AGBL4: variants seen among roughly 807,000 people sequenced by gnomAD.
The protein encoded by AGBL4 is AGBL carboxypeptidase 4.
AGBL4 carries 58 observed loss-of-function variants against 66.4 expected under a neutral mutation model. That is an observed-to-expected ratio of 0.87 (90% CI 0.71 to 1.09). The LOEUF (loss-of-function observed/expected upper bound fraction) is 1.09. AGBL4 is among the 50% of genes least tolerant of loss of function. The pLI is 0.00. For synonymous variants in AGBL4, 234 were observed against 222.9 expected (o/e 1.05, Z -0.44); for missense variants, 579 against 631.0 (o/e 0.92, Z 0.88).
intron 3 of AGBL4, among the ~76,000 whole-genome samples, chr1:49,403,515 T>C (rs1645131613): frequency 6.6e-6 from 1 of 152,210 alleles, no homozygotes; most frequent in African/African-American, 2.4e-5. Context: ...GGATTTCTTT[T>C]AGTTTCCTCA....
chr1:49,702,982 C>T (rs1387528169), intron 2 of AGBL4, among the ~76,000 whole-genome samples: 1 of 151,950 alleles, frequency 6.6e-6, no homozygotes, highest in Non-Finnish European at 1.5e-5. Flanking sequence ...AGCTAACAGC[C>T]CACTTAATGG....
At chr1:48,780,735 C>G (rs1239243353) in intron 6 of AGBL4, among the ~76,000 whole-genome samples, 1 of 152,160 alleles carries the variant, frequency 6.6e-6, no homozygotes, top group African/African-American at 2.4e-5. Flanking sequence ...ATGCACAAAA[C>G]TAAAACTGGA....
chr1:49,746,262 C>T (rs1055171337), intron 2 of AGBL4, among the ~76,000 whole-genome samples: 6 of 151,924 alleles, frequency 3.9e-5, no homozygotes, highest in African/African-American at 9.7e-5. Flanking sequence ...GCATGAATTA[C>T]GCTTTCTGAA....
intron 6 of AGBL4, among the ~76,000 whole-genome samples, chr1:48,819,547 A>C (rs1190716769): frequency 1.3e-5 from 2 of 152,144 alleles, no homozygotes; most frequent in African/African-American, 4.8e-5. Flanking sequence ...TGGGGGATAC[A>C]GATACAGGTT....
chr1:49,973,066 G>C (rs1658264791), intron 1 of AGBL4, among the ~76,000 whole-genome samples: 1 of 152,162 alleles, frequency 6.6e-6, no homozygotes, highest in African/African-American at 2.4e-5. Flanking sequence ...ACCTGATAGT[G>C]GTGCACAGGG....
chr1:48,710,915 G>T (rs1445050132), intron 6 of AGBL4, among the ~76,000 whole-genome samples: 1 of 149,900 alleles, frequency 6.7e-6, no homozygotes, highest in African/African-American at 2.5e-5. Context: ...CTGCACATCC[G>T]TTAAGATCCA....
intron 2 of AGBL4, among the ~76,000 whole-genome samples, chr1:49,760,239 T>A (rs1464799920): frequency 2.6e-5 from 4 of 152,146 alleles, no homozygotes; most frequent in Non-Finnish European, 4.4e-5. Context: ...GTCCCATTCT[T>A]TAGGTTGCCT....
chr1:48,903,976 C>T (rs1022291492), intron 5 of AGBL4, among the ~76,000 whole-genome samples: 2 of 152,090 alleles, frequency 1.3e-5, no homozygotes, highest in African/African-American at 4.8e-5. Flanking sequence ...AGAAAACCTG[C>T]AGCATTAATA....
At chr1:48,864,924 A>G (rs768068635) in intron 6 of AGBL4, among the ~76,000 whole-genome samples, 2 of 152,086 alleles carry the variant, frequency 1.3e-5, no homozygotes, top group Non-Finnish European at 2.9e-5. Context: ...GCTGTTCATT[A>G]TATCGCTACT....
chr1:49,583,378 A>G (rs986100096), intron 3 of AGBL4, among the ~76,000 whole-genome samples: 2 of 152,248 alleles, frequency 1.3e-5, no homozygotes, highest in African/African-American at 4.8e-5. Context: ...TGTATCGTCT[A>G]TCATATTTTA....
chr1:48,825,595 G>A (rs763050907), intron 6 of AGBL4, among the ~76,000 whole-genome samples: 29 of 152,226 alleles, frequency 1.9e-4, no homozygotes, highest in African/African-American at 4.3e-4. Context: ...AGTGCTTGGC[G>A]TATAATAGGT....
intron 3 of AGBL4, among the ~76,000 whole-genome samples, chr1:49,276,950 G>A (rs1259785488): frequency 1.3e-5 from 2 of 152,022 alleles, no homozygotes; most frequent in Non-Finnish European, 2.9e-5. Context: ...CAAAGAATGA[G>A]TTCTCCCTTG....
At chr1:49,335,755 T>A (rs1645424826) in intron 3 of AGBL4, among the ~76,000 whole-genome samples, 1 of 152,152 alleles carries the variant, frequency 6.6e-6, no homozygotes, top group Admixed American at 6.5e-5. Flanking sequence ...GACCTTGTGA[T>A]CCGCCCACCT....
chr1:48,967,119 T>C (rs1424757934), intron 5 of AGBL4, among the ~76,000 whole-genome samples: 1 of 152,000 alleles, frequency 6.6e-6, no homozygotes, highest in African/African-American at 2.4e-5. Context: ...AATTAGAATG[T>C]AATGGTAGAA....
At chr1:48,623,372 TG>T (rs1175547229) in intron 9 of AGBL4, among the ~76,000 whole-genome samples, 2 of 152,194 alleles carry the variant, frequency 1.3e-5, no homozygotes, top group Non-Finnish European at 2.9e-5. Flanking sequence ...GTCAGACACA[TG>T]GGACCAGTAC....
At chr1:49,257,747 C>A (rs970034865) in intron 3 of AGBL4, among the ~76,000 whole-genome samples, 2 of 152,236 alleles carry the variant, frequency 1.3e-5, no homozygotes, top group African/African-American at 4.8e-5. Context: ...GCAGAAATCA[C>A]CCATCTTCTG....
chr1:49,472,805 C>T (rs750643156), intron 3 of AGBL4, among the ~76,000 whole-genome samples: 1 of 151,916 alleles, frequency 6.6e-6, no homozygotes, highest in Non-Finnish European at 1.5e-5. Flanking sequence ...GTTTTTCAGC[C>T]AATGCCTCAC....
chr1:48,842,870 A>G (rs2148798365), intron 6 of AGBL4, among the ~76,000 whole-genome samples: 1 of 152,274 alleles, frequency 6.6e-6, no homozygotes, highest in African/African-American at 2.4e-5. Context: ...GCATGCTACA[A>G]CATCAATGAA....
intron 6 of AGBL4, among the ~76,000 whole-genome samples, chr1:48,764,840 C>T (rs2148671888): frequency 6.6e-6 from 1 of 152,314 alleles, no homozygotes; most frequent in East Asian, 1.9e-4. Flanking sequence ...GACAAAGGTG[C>T]AGCGGATGAC....
Sources: gnomAD v4.1 joint callset for allele counts (sites outside exome capture counted in the v4.1 genomes callset) on GRCh38, gnomAD v4.1.1 for gene constraint, MANE v1.5 for transcripts, NCBI Gene and HGNC (gene_info 2026-07-23, HGNC 2026-07-21) for gene names.